SPAG16: variants seen among roughly 807,000 people sequenced by gnomAD.
SPAG16 encodes sperm associated antigen 16, also known as sperm-associated antigen 16 protein.
SPAG16 carries 86 observed loss-of-function variants against 80.4 expected under a neutral mutation model. The observed-to-expected ratio is 1.07, with a 90% CI of 0.90 to 1.28. The LOEUF is 1.28. Among genes scored for constraint, SPAG16 ranks in the 50% most tolerant of loss-of-function variants. The pLI, the probability that SPAG16 is intolerant of heterozygous loss-of-function variation, is 0.00. For synonymous variants in SPAG16, 294 were observed against 265.9 expected, an observed-to-expected ratio of 1.11 and a Z score of -1.03; for missense variants, 870 against 765.3, an observed-to-expected ratio of 1.14 and a Z score of -1.61.
rs1374119140 is a variant in SPAG16 at position 214,259,750 on chromosome 2, T to A, written c.1720+110484T>A. 4.6e-5 allele frequency among the ~76,000 whole-genome samples: 7 copies of A among 152,262 alleles called. No individual in the cohort carries two copies. The East Asian group carries it at 1.4e-3, about 29-fold the overall frequency. ...TCTGTATTCCTAAATTTGGTTGTTT[T>A]AATAGGAGATGAATACCATACCAAA... On this transcript the variant is annotated intron_variant, in intron 15 of 15. Transcript: ENST00000331683.
intron 10 of SPAG16, among the ~76,000 whole-genome samples, chr2:213,762,880 C>A (rs1426539515): frequency 6.6e-6 from 1 of 152,026 alleles, no homozygotes; most frequent in African/African-American, 2.4e-5. Context: ...TTGCAAGTTG[C>A]AAATCTTATA....
At chr2:214,031,321 A>G (rs2048396877) in intron 13 of SPAG16, among the ~76,000 whole-genome samples, 1 of 150,540 alleles carries the variant, frequency 6.6e-6, no homozygotes, top group Non-Finnish European at 1.5e-5. Flanking sequence ...CATCCTTCTC[A>G]GTAAACTATC....
At chr2:213,825,214 A>T (rs1166950095) in intron 10 of SPAG16, among the ~76,000 whole-genome samples, 1 of 151,894 alleles carries the variant, frequency 6.6e-6, no homozygotes, top group Admixed American at 6.6e-5. Context: ...GAAGCACTTT[A>T]TTTCTTTATC....
intron 15 of SPAG16, among the ~76,000 whole-genome samples, chr2:214,344,943 T>C (rs1475938013): frequency 6.6e-6 from 1 of 152,100 alleles, no homozygotes; most frequent in Non-Finnish European, 1.5e-5. Context: ...AATGAATGAG[T>C]ATTTTTTTTC....
chr2:213,848,464 C>G (rs549421564), intron 10 of SPAG16, among the ~76,000 whole-genome samples: 1 of 152,246 alleles, frequency 6.6e-6, no homozygotes, highest in African/African-American at 2.4e-5. Context: ...GGATACTAAG[C>G]TTCCTTTTTT....
At chr2:214,189,647 T>C (rs2057592267) in intron 15 of SPAG16, among the ~76,000 whole-genome samples, 1 of 152,078 alleles carries the variant, frequency 6.6e-6, no homozygotes. Context: ...TTTTTTTGTA[T>C]TGAATGCATA....
At chr2:214,120,419 A>G (rs1027476269) in intron 14 of SPAG16, among the ~76,000 whole-genome samples, 3 of 151,732 alleles carry the variant, frequency 2.0e-5, no homozygotes, top group Admixed American at 6.6e-5. Context: ...GATTTTAGGC[A>G]TATATTAATT....
intron 10 of SPAG16, among the ~76,000 whole-genome samples, chr2:213,674,708 G>A (rs1242972775): frequency 2.6e-4 from 39 of 149,606 alleles, no homozygotes; most frequent in Middle Eastern, 3.4e-3. Flanking sequence ...TACAAAGGAC[G>A]TGAACTCATC....
chr2:214,143,301 C>T (rs2055466116), intron 14 of SPAG16, among the ~76,000 whole-genome samples: 2 of 147,650 alleles, frequency 1.4e-5, no homozygotes, highest in South Asian at 4.2e-4. Context: ...GCTTGGAACC[C>T]TGAGTGACAC....
chr2:214,137,533 T>C (rs1223937947), intron 14 of SPAG16, among the ~76,000 whole-genome samples: 1 of 152,136 alleles, frequency 6.6e-6, no homozygotes, highest in African/African-American at 2.4e-5. Flanking sequence ...TTGTATCTTA[T>C]TGACTATTTA....
chr2:213,668,700 G>A (rs1177284522), intron 10 of SPAG16, among the ~76,000 whole-genome samples: 2 of 152,124 alleles, frequency 1.3e-5, no homozygotes, highest in Non-Finnish European at 2.9e-5. Context: ...AATGGCTGGA[G>A]TGCAATGGTG....
intron 13 of SPAG16, among the ~76,000 whole-genome samples, chr2:214,015,338 C>T (rs1249432620): frequency 6.6e-6 from 1 of 152,050 alleles, no homozygotes; most frequent in Admixed American, 6.6e-5. Flanking sequence ...GTGGCTCACG[C>T]CTGTAATCCC....
intron 13 of SPAG16, among the ~76,000 whole-genome samples, chr2:214,056,920 T>G (rs2049974575): frequency 6.6e-6 from 1 of 152,212 alleles, no homozygotes; most frequent in East Asian, 1.9e-4. Context: ...ACCACTTTCT[T>G]TGCTCATCCA....
intron 10 of SPAG16, among the ~76,000 whole-genome samples, chr2:213,583,602 T>C (rs1434988257): frequency 1.3e-5 from 2 of 152,140 alleles, no homozygotes; most frequent in African/African-American, 4.8e-5. Flanking sequence ...GAGTAGATAT[T>C]GACATTTGGG....
chr2:214,076,716 T>C (rs915502679), intron 13 of SPAG16, among the ~76,000 whole-genome samples: 1 of 152,180 alleles, frequency 6.6e-6, no homozygotes, highest in African/African-American at 2.4e-5. Flanking sequence ...TGCCTTGGGC[T>C]GTGATCGTGA....
chr2:214,345,387 A>G (rs1576836145), intron 15 of SPAG16, among the ~76,000 whole-genome samples: 1 of 152,124 alleles, frequency 6.6e-6, no homozygotes, highest in Non-Finnish European at 1.5e-5. Context: ...GTGACAAACA[A>G]TTCAGCCCGC....
chr2:214,277,327 G>A (rs1452102934), intron 15 of SPAG16, among the ~76,000 whole-genome samples: 1 of 152,116 alleles, frequency 6.6e-6, no homozygotes, highest in African/African-American at 2.4e-5. Flanking sequence ...GCTTTGTTCT[G>A]TTGCTGGTGA....
At chr2:213,311,671 T>G (rs903288089) in intron 4 of SPAG16, among the ~76,000 whole-genome samples, 1 of 151,678 alleles carries the variant, frequency 6.6e-6, no homozygotes, top group Non-Finnish European at 1.5e-5. Flanking sequence ...TATCCCTAGC[T>G]GCCAGTTTGC....
chr2:214,247,746 C>T (rs954114561), intron 15 of SPAG16, among the ~76,000 whole-genome samples: 4 of 152,136 alleles, frequency 2.6e-5, no homozygotes, highest in South Asian at 2.1e-4. Context: ...AAAAAATCAA[C>T]GAGATCCAGG....
Sources: allele counts gnomAD v4.1 joint callset (sites outside exome capture counted in the v4.1 genomes callset), GRCh38; gene constraint gnomAD v4.1.1; transcripts MANE v1.5; gene names NCBI Gene and HGNC (gene_info 2026-07-23, HGNC 2026-07-21).